EPB41L1: variants seen among roughly 807,000 people sequenced by gnomAD.
EPB41L1 encodes the protein band 4.1-like protein 1.
In EPB41L1, 29 loss-of-function variants were observed where a neutral mutation model predicts 97.8. The ratio of observed to expected loss-of-function variants is 0.30; its 90% CI spans 0.22 to 0.40. The LOEUF (loss-of-function observed/expected upper bound fraction) is 0.40, where lower values mean the gene tolerates loss of function less well. EPB41L1 is among the 10% of genes least tolerant of loss of function. The pLI, the probability that EPB41L1 is intolerant of heterozygous loss-of-function variation, is 1.00. For synonymous variants in EPB41L1, 383 were observed against 459.2 expected, an observed-to-expected ratio of 0.83 and a Z score of 2.12; for missense variants, 812 against 1,162.3, an observed-to-expected ratio of 0.70 and a Z score of 4.38.
chr20:36,134,677 G>T (rs1205274918), intron 2 of EPB41L1, among the ~76,000 whole-genome samples: 1 of 152,060 alleles, frequency 6.6e-6, no homozygotes, highest in Non-Finnish European at 1.5e-5. Flanking sequence ...TTCCTGCAAG[G>T]TTACTGCCCA....
At chr20:36,143,804 A>G (rs969851134) in intron 2 of EPB41L1, among the ~76,000 whole-genome samples, 1 of 151,956 alleles carries the variant, frequency 6.6e-6, no homozygotes, top group Admixed American at 6.6e-5. Flanking sequence ...TTGCATTTTC[A>G]AAGGAAATCA....
chr20:36,187,773 G>C lies in EPB41L1; in HGVS notation c.873+10G>C. ...CCTGCACCATGCCAAGGTACCACCA[G>C]CTTCCTGGGTTCCCCTAGTGTCTGG... is the stretch of plus-strand genomic sequence containing the variant. On this transcript the variant is annotated intron_variant, in intron 8 of 21. Transcript: ENST00000338074. 1 of 1,612,754 alleles carries C rather than the reference G, an allele frequency of 6.2e-7. No homozygotes were observed. Among genetic ancestry groups the C allele is most frequent in the Non-Finnish European group, 8.5e-7 (1 of 1,179,232 alleles).
intron 2 of EPB41L1, among the ~76,000 whole-genome samples, chr20:36,135,987 A>G (rs140600985): frequency 1.2e-3 from 180 of 152,236 alleles, no homozygotes; most frequent in Middle Eastern, 6.8e-3. Flanking sequence ...GGGCGTGCAT[A>G]TGAGGTGAGT....
chr20:36,174,522 C>T (rs947678987), intron 2 of EPB41L1, among the ~76,000 whole-genome samples: 2 of 152,098 alleles, frequency 1.3e-5, no homozygotes, highest in Non-Finnish European at 2.9e-5. Context: ...ATCCACCTGC[C>T]TTGGACTCCC....
chr20:36,206,278 C>G lies in EPB41L1; in HGVS notation c.1669-3210C>G. The stretch of plus-strand genomic sequence containing the variant: ...TGGTCAGCCGGAGGGCCAGACAGAG[C>G]TGAGGAAGGGGCTGGAGGAGCCTCA... On this transcript the variant is annotated intron_variant, in intron 14 of 21. Transcript: ENST00000338074. This position sits in a 1 kb window ranked among gnomAD's most constrained non-coding sequence, Gnocchi z 5.5. 1.6e-6 allele frequency: 2 copies of G among 1,289,934 alleles called. No individual in the cohort carries two copies. The highest frequency in any genetic ancestry group is 2.0e-6 in the Non-Finnish European group (2 of 988,900). The allele number at this position is 1,289,934 out of a possible 1,614,324, so 79.9% of individuals were successfully genotyped here. A position where few individuals can be genotyped will look rare whatever the true frequency, so the allele number is the denominator to read the frequency against.
At chr20:36,102,287 G>T (rs998567761) in intron 1 of EPB41L1, among the ~76,000 whole-genome samples, 1 of 152,166 alleles carries the variant, frequency 6.6e-6, no homozygotes, top group Non-Finnish European at 1.5e-5. Flanking sequence ...AGTGTGCATT[G>T]TCCCTAGGAG....
intron 11 of EPB41L1, among the ~76,000 whole-genome samples, chr20:36,191,568 G>A (rs978644198): frequency 1.3e-5 from 2 of 152,172 alleles, no homozygotes; most frequent in Non-Finnish European, 2.9e-5. Flanking sequence ...CAGGGCCCAA[G>A]TCTCTCCCCA....
chr20:36,216,054 A>G (rs1326235513), intron 17 of EPB41L1, among the ~76,000 whole-genome samples: 2 of 152,182 alleles, frequency 1.3e-5, no homozygotes, highest in African/African-American at 2.4e-5. Context: ...ATCTGTGCAA[A>G]GCCCTGAGAA....
At chr20:36,123,174 G>A (rs1457680150) in intron 2 of EPB41L1, among the ~76,000 whole-genome samples, 1 of 151,782 alleles carries the variant, frequency 6.6e-6, no homozygotes, top group Non-Finnish European at 1.5e-5. Context: ...CTCCATGATC[G>A]GGGGGGAGGG....
chr20:36,132,591 G>A (rs1053998774), intron 2 of EPB41L1, among the ~76,000 whole-genome samples: 15 of 145,826 alleles, frequency 1.0e-4, no homozygotes, highest in Non-Finnish European at 2.1e-4. Flanking sequence ...GCATTATTAT[G>A]CCTGCCACAG....
chr20:36,207,760 G>A lies in EPB41L1; in HGVS notation c.1669-1728G>A. ...CAATTCAGGCTGTGAAACCACGCTG[G>A]CAGAAGCTACTGGAACTGGGGTAAC... On this transcript the variant is annotated intron_variant, in intron 14 of 21. Coordinates refer to ENST00000338074, the MANE Select transcript of EPB41L1 (RefSeq NM_012156.2). This position sits in a 1 kb window ranked among gnomAD's most constrained non-coding sequence, Gnocchi z 4.9. 1 of 1,289,542 alleles carries A rather than the reference G, an allele frequency of 7.8e-7. No individual in the cohort carries two copies. Among genetic ancestry groups the A allele is most frequent in the Non-Finnish European group, 1.0e-6 (1 of 988,624 alleles). 79.9% of individuals were successfully genotyped at this position (1,289,542 alleles called of 1,614,324 possible). A position where few individuals can be genotyped will look rare whatever the true frequency, so the allele number is the denominator to read the frequency against.
chr20:36,110,723 C>T (rs1253162615), intron 1 of EPB41L1: 2 of 152,230 alleles, frequency 1.3e-5, no homozygotes, highest in Non-Finnish European at 2.9e-5. Context: ...AATTTGAAGA[C>T]TATCCACACA....
chr20:36,163,177 G>T (rs191260860), intron 1 of EPB41L1, among the ~76,000 whole-genome samples: 17 of 148,692 alleles, frequency 1.1e-4, no homozygotes, highest in African/African-American at 4.0e-4. Flanking sequence ...TTCTGACTCC[G>T]AAAGTAATAC....
chr20:36,093,508 C>CTGGGCGG lies in EPB41L1; in HGVS notation c.-65+1901_-65+1907dup, dbSNP rs2057727645. 6.6e-6 allele frequency among the ~76,000 whole-genome samples: 1 copy of CTGGGCGG among 151,916 alleles called. No homozygotes were observed. Among genetic ancestry groups the CTGGGCGG allele is most frequent in the Non-Finnish European group, 1.5e-5 (1 of 67,926 alleles). On this transcript the variant is annotated intron_variant, in intron 1 of 19. Coordinates refer to the EPB41L1 transcript ENST00000202028. This position sits in a 1 kb window ranked among gnomAD's most constrained non-coding sequence, Gnocchi z 5.4. Reference sequence around the variant, plus strand: ...CGCCGCTGGGAGCTGGGCACCTGGCCTGGGCGGTGGGTGGCGGCGGCGGGG... The same window carrying CTGGGCGG: ...CGCCGCTGGGAGCTGGGCACCTGGCCTGGGCGGTGGGCGGTGGGTGGCGGCGGCGGGG...
At chr20:36,121,215 A>G (rs1241844728) in intron 2 of EPB41L1, among the ~76,000 whole-genome samples, 1 of 152,122 alleles carries the variant, frequency 6.6e-6, no homozygotes, top group Non-Finnish European at 1.5e-5. Flanking sequence ...GACTTCTCAC[A>G]AAAATGTGAG....
chr20:36,209,331 G>A lies in EPB41L1; in HGVS notation c.1669-157G>A, dbSNP rs2062998130. On this transcript the variant is annotated intron_variant, in intron 14 of 21. Transcript: ENST00000338074. This position sits in a 1 kb window ranked among gnomAD's most constrained non-coding sequence, Gnocchi z 4.2. ...TTTTTATGCTTGTTATGATTTCAAG[G>A]AACCTTTCCTGGGGTGTTTTTCATT... 6.6e-6 allele frequency among the ~76,000 whole-genome samples: 1 copy of A among 151,926 alleles called. No individual in the cohort carries two copies. The highest frequency in any genetic ancestry group is 6.5e-5 in the Admixed American group (1 of 15,274).
intron 1 of EPB41L1, among the ~76,000 whole-genome samples, chr20:36,173,136 GC>G (rs2061067635): frequency 6.6e-6 from 1 of 152,214 alleles, no homozygotes; most frequent in Admixed American, 6.5e-5. Flanking sequence ...CACATTTGTG[GC>G]CAACTCGGGG....
chr20:36,188,982 G>A (rs1164024791), intron 9 of EPB41L1, among the ~76,000 whole-genome samples: 1 of 151,932 alleles, frequency 6.6e-6, no homozygotes, highest in Non-Finnish European at 1.5e-5. Flanking sequence ...ATGTATTTAG[G>A]TGTTGTAAGT....
At chr20:36,215,145 C>T (rs552165694) in intron 17 of EPB41L1, among the ~76,000 whole-genome samples, 6 of 151,824 alleles carry the variant, frequency 4.0e-5, no homozygotes, top group African/African-American at 9.7e-5. Flanking sequence ...GGATAATCTC[C>T]GTGGATGCTC....
Sources: allele counts gnomAD v4.1 joint callset (sites outside exome capture counted in the v4.1 genomes callset), GRCh38; gene constraint gnomAD v4.1.1; non-coding constraint Gnocchi (gnomAD v3.1); transcripts MANE v1.5; gene names NCBI Gene and HGNC (gene_info 2026-07-23, HGNC 2026-07-21).